Variants in ANK3 observed in about 807,000 individuals in gnomAD.
The protein encoded by ANK3 is ankyrin 3.
In ANK3, 57 loss-of-function variants were observed where a neutral mutation model predicts 370.9. That is an observed-to-expected ratio of 0.15 (90% CI 0.12 to 0.19). The LOEUF is 0.19. Ranked by LOEUF, ANK3 falls within the 10% of genes least tolerant of loss-of-function variation. The pLI, the probability that ANK3 is intolerant of heterozygous loss-of-function variation, is 1.00. For missense variants in ANK3, 4,439 were observed against 5,302.1 expected (o/e 0.84, Z 5.06); for synonymous variants, 1,929 against 1,946.3 (o/e 0.99, Z 0.23).
At chr10:60,146,593 A>G (rs1271619958) in intron 23 of ANK3, among the ~76,000 whole-genome samples, 1 of 152,120 alleles carries the variant, frequency 6.6e-6, no homozygotes, top group Non-Finnish European at 1.5e-5. Context: ...GGTTCAAGTG[A>G]TTAGCCTGCC....
At chr10:60,507,602 T>C (rs1818410068) in intron 2 of ANK3, 2 of 151,992 alleles carry the variant, frequency 1.3e-5, no homozygotes, top group African/African-American at 4.8e-5. Flanking sequence ...CATCAAGAAT[T>C]TATATTTAAG....
intron 18 of ANK3, among the ~76,000 whole-genome samples, chr10:60,178,794 T>C (rs1221149432): frequency 1.3e-5 from 2 of 152,318 alleles, no homozygotes; most frequent in East Asian, 3.9e-4. Context: ...CTAAATAAAA[T>C]GCTTCCGGAC....
At position 60,628,234 on chromosome 10, in the gene ANK3, T is replaced by G. The variant is rs138765969; in HGVS notation, c.58-13010A>C. ...GTCAGATGCCATTTATAGGTGAACG[T>G]CATTGTTCCAGAACCCCATAGCTTG... On this transcript the variant is annotated intron_variant, in intron 1 of 43. Coordinates refer to the ANK3 transcript ENST00000373827. Among the ~76,000 whole-genome samples the G allele has an allele frequency of 1.8e-4, 28 of 152,284 alleles. No homozygotes were observed. The East Asian group carries it at 5.2e-3, about 28-fold the overall frequency.
rs750752121 is a variant in ANK3 at position 60,200,108 on chromosome 10, CTTGTCAAGTA to C, written c.1491+11_1491+20del. On this transcript the variant is annotated intron_variant, in intron 13 of 43. Transcript: ENST00000280772. ...AACAGTTTTTCCTCAATTTCAAACA[CTTGTCAAGTA>C]TTGCGCATACCTTAGCTTTAGCTTC... is the stretch of plus-strand genomic sequence containing the variant. 1 of 1,594,310 alleles carries C rather than the reference CTTGTCAAGTA, an allele frequency of 6.3e-7. No homozygotes were observed.
In ANK3 at chr10:60,166,584, C is replaced by T; in HGVS notation, c.2614+7G>A. On this transcript the variant is annotated splice_region_variant and intron_variant, in intron 23 of 43. Coordinates refer to ENST00000280772, the MANE Select transcript of ANK3 (RefSeq NM_020987.5). ...TAAGTTTCATCACAATAAAAATTTA[C>T]AAATACCTTCTTCAACATCTGAGAT... 2.5e-6 allele frequency: 4 copies of T among 1,611,884 alleles called. No individual in the cohort carries two copies. The highest frequency in any genetic ancestry group is 3.4e-6 in the Non-Finnish European group (4 of 1,178,588).
rs898469810 is a variant in ANK3 at position 60,074,565 on chromosome 10, C to A, written c.6316G>T (p.Asp2106Tyr). Reference sequence around the variant, plus strand: ...TCATCAGGAGACTCTAAAATAGTATCTGTTCCAAAAAAGGAATCAGCCATT... The same window carrying A: ...TCATCAGGAGACTCTAAAATAGTATATGTTCCAAAAAAGGAATCAGCCATT... ...CKMADSFFGT[D>Y]TILESPDDFS... Residue 2106 changes from aspartate to tyrosine, a missense_variant, in exon 37 of 44, where the codon GAT becomes TAT. By Grantham distance (160) the Asp-to-Tyr change is radical (BLOSUM62 -3). Transcript: ENST00000280772. 1 of 1,613,940 alleles carries A rather than the reference C, an allele frequency of 6.2e-7. No homozygotes were observed. Among genetic ancestry groups the A allele is most frequent in the Admixed American group, 1.7e-5 (1 of 59,982 alleles).
intron 2 of ANK3, among the ~76,000 whole-genome samples, chr10:60,613,024 T>C (rs1378622103): frequency 6.6e-6 from 1 of 152,194 alleles, no homozygotes; most frequent in Non-Finnish European, 1.5e-5. Context: ...AAGAAAGTCC[T>C]AAATCCATAT....
intron 1 of ANK3, among the ~76,000 whole-genome samples, chr10:60,355,014 C>T (rs963411976): frequency 2.6e-5 from 4 of 152,050 alleles, no homozygotes; most frequent in Admixed American, 2.0e-4. Flanking sequence ...CTAAGGACAG[C>T]TTACAAATTT....
At chr10:60,148,833 T>C (rs2094950205) in intron 23 of ANK3, among the ~76,000 whole-genome samples, 2 of 152,198 alleles carry the variant, frequency 1.3e-5, no homozygotes, top group African/African-American at 4.8e-5. Flanking sequence ...GCAGAGAAAC[T>C]AGGTAGCTAA....
chr10:60,250,395 C>T (rs945089543), intron 7 of ANK3, among the ~76,000 whole-genome samples: 8 of 152,102 alleles, frequency 5.3e-5, no homozygotes, highest in African/African-American at 1.2e-4. Flanking sequence ...GATGGAGTCT[C>T]GCTCTGTCGC....
intron 2 of ANK3, among the ~76,000 whole-genome samples, chr10:60,584,996 G>A (rs923760093): frequency 5.3e-5 from 8 of 152,116 alleles, no homozygotes; most frequent in East Asian, 3.9e-4. Context: ...TTCCTAAAAC[G>A]AAGGGGCATT....
At chr10:60,428,309 G>T (rs1226351267) in intron 2 of ANK3, among the ~76,000 whole-genome samples, 1 of 152,256 alleles carries the variant, frequency 6.6e-6, no homozygotes, top group East Asian at 1.9e-4. Flanking sequence ...GCCAGGCCTT[G>T]ATTCTGTGCT....
At chr10:60,178,192 A>G (rs952990362) in intron 18 of ANK3, among the ~76,000 whole-genome samples, 6 of 152,214 alleles carry the variant, frequency 3.9e-5, no homozygotes. Flanking sequence ...ATCTTAAGAC[A>G]TAATCCCCAT....
At chr10:60,295,831 T>G (rs773570778) in intron 1 of ANK3, among the ~76,000 whole-genome samples, 1 of 152,226 alleles carries the variant, frequency 6.6e-6, no homozygotes, top group African/African-American at 2.4e-5. Context: ...AATATTTATC[T>G]TATGAAACAT....
At chr10:60,496,730 A>AC (rs1402102882) in intron 2 of ANK3, among the ~76,000 whole-genome samples, 3 of 92,578 alleles carry the variant, frequency 3.2e-5, no homozygotes, top group Non-Finnish European at 6.5e-5. Flanking sequence ...ACTTTTTGAG[A>AC]CCGAAAAAAA....
At chr10:60,572,803 T>C in intron 2 of ANK3, 1 of 1,214,372 alleles carries the variant, frequency 8.2e-7, no homozygotes, top group Non-Finnish European at 1.0e-6. Context: ...TAGCCTTTCA[T>C]TTTTAACTAA....
At chr10:60,079,094 G>T (rs888625284) in intron 36 of ANK3, among the ~76,000 whole-genome samples, 4 of 149,998 alleles carry the variant, frequency 2.7e-5, no homozygotes, top group Admixed American at 6.7e-5. Context: ...ACCCACTGAG[G>T]ATCTCTAGGG....
Position 60,196,627 on chromosome 10 carries a change from T to TTA in ANK3, c.1690-3_1690-2insTA. The stretch of plus-strand genomic sequence containing the variant: ...CACATGAAGAGGAGTAAATCCTTTC[T>TTA]GAAAAAAAAAAAACATAAAAATAAT... On this transcript the variant is annotated splice_polypyrimidine_tract_variant and splice_region_variant and intron_variant, in intron 14 of 43. Transcript: ENST00000280772. 1.3e-6 allele frequency: 2 copies of TTA among 1,501,340 alleles called. No homozygotes were observed. Among genetic ancestry groups the TTA allele is most frequent in the Non-Finnish European group, 1.8e-6 (2 of 1,119,222 alleles). 93.0% of individuals were successfully genotyped at this position (1,501,340 alleles called of 1,614,324 possible). A position where few individuals can be genotyped will look rare whatever the true frequency, so the allele number is the denominator to read the frequency against.
chr10:60,057,687 A>T (rs1040544805), intron 41 of ANK3, among the ~76,000 whole-genome samples: 1 of 152,176 alleles, frequency 6.6e-6, no homozygotes, highest in African/African-American at 2.4e-5. Context: ...GAACCAGGGG[A>T]TTCACTAGTG....
Sources: gnomAD v4.1 joint callset for allele counts (sites outside exome capture counted in the v4.1 genomes callset) on GRCh38, gnomAD v4.1.1 for gene constraint, MANE v1.5 for transcripts, NCBI Gene and HGNC (gene_info 2026-07-23, HGNC 2026-07-21) for gene names.